The following PHTF1 variants were observed in gnomAD, a reference collection of about 807,000 sequenced individuals.
PHTF1 encodes the protein protein PHTF1.
PHTF1 carries 88 observed loss-of-function variants against 102.4 expected under a neutral mutation model. The observed-to-expected ratio is 0.86, with a 90% confidence interval of 0.72 to 1.03. PHTF1 has a LOEUF of 1.03. Among genes scored for constraint, PHTF1 ranks in the 50% least tolerant of loss-of-function variants. The pLI, the probability that PHTF1 is intolerant of heterozygous loss-of-function variation, is 0.00. For synonymous variants in PHTF1, 289 were observed against 305.2 expected (o/e 0.95, Z 0.55); for missense variants, 814 against 909.5 (o/e 0.89, Z 1.35).
intron 5 of PHTF1, 117 bp downstream of exon 5, chr1:113,737,993 C>T (rs1655776423): frequency 2.8e-6 from 2 of 705,062 alleles, no homozygotes; most frequent in Non-Finnish European, 4.8e-6. Context: ...TCTCTTCATT[C>T]TGTGTACTTT....
At chr1:113,712,784 A>ATT (rs35092721) in intron 8 of PHTF1, among the ~76,000 whole-genome samples, 32 of 131,458 alleles carry the variant, frequency 2.4e-4, no homozygotes, top group East Asian at 1.3e-3. Flanking sequence ...AACTCACAAA[A>ATT]TTTTTTTTTT....
intron 3 of PHTF1, among the ~76,000 whole-genome samples, chr1:113,740,815 G>T (rs1280364045): frequency 8.2e-6 from 1 of 122,540 alleles, no homozygotes; most frequent in Non-Finnish European, 1.9e-5. Flanking sequence ...GAGGATACTT[G>T]AGGTCAAGAG....
At chr1:113,749,897 G>A (rs1332572411) in intron 3 of PHTF1, among the ~76,000 whole-genome samples, 2 of 152,070 alleles carry the variant, frequency 1.3e-5, no homozygotes, top group African/African-American at 4.8e-5. Flanking sequence ...TTAAGTCCTT[G>A]CAGGCTGCCA....
Position 113,715,609 on chromosome 1 carries a change from T to C in PHTF1, c.624-2171A>G, listed in dbSNP as rs555833910. ...TTTGCAGTGAGCCGAGATTGTACCA[T>C]TGCACTTCAACCTGAGCAATGACAG... On this transcript the variant is annotated intron_variant, in intron 7 of 18. Coordinates refer to ENST00000369604, the MANE Select transcript of PHTF1 (RefSeq NM_001323043.2). Among the ~76,000 whole-genome samples the C allele has an allele frequency of 8.0e-4, 94 of 117,742 alleles. 1 individual carries two copies. Among genetic ancestry groups the C allele is most frequent in the African/African-American group, 2.7e-3 (81 of 30,550 alleles). 77.2% of individuals were successfully genotyped at this position (117,742 alleles called of 152,430 possible).
intron 4 of PHTF1, 142 bp from the exon 5 acceptor site, chr1:113,738,410 T>G: frequency 1.6e-6 from 1 of 610,868 alleles, no homozygotes; most frequent in Non-Finnish European, 2.8e-6. Flanking sequence ...TCTTAGATGT[T>G]TGTTAAATGT....
intron 7 of PHTF1, among the ~76,000 whole-genome samples, chr1:113,720,578 A>G (rs1357286597): frequency 6.6e-6 from 1 of 152,222 alleles, no homozygotes; most frequent in Non-Finnish European, 1.5e-5. Context: ...GAAAATTAAA[A>G]TGATATCAAG....
intron 7 of PHTF1, 66 bp downstream of exon 7, chr1:113,724,693 G>T: frequency 7.8e-7 from 1 of 1,286,036 alleles, no homozygotes; most frequent in Non-Finnish European, 1.1e-6. Context: ...TACTCCTATG[G>T]CCTGATGATA....
chr1:113,753,491 G>T (rs191686400), intron 3 of PHTF1, among the ~76,000 whole-genome samples: 9 of 151,766 alleles, frequency 5.9e-5, no homozygotes, highest in Non-Finnish European at 1.0e-4. Flanking sequence ...TGCAATGCAT[G>T]ATCTCAGCTC....
chr1:113,700,005 A>G (rs1489874749), intron 16 of PHTF1: 2 of 967,344 alleles, frequency 2.1e-6, no homozygotes, highest in Non-Finnish European at 2.7e-6. Flanking sequence ...TTTAGTGATG[A>G]AAAATTAATG....
intron 16 of PHTF1, 24 bp from the exon 17 acceptor site, chr1:113,699,823 G>A: frequency 1.1e-6 from 1 of 926,838 alleles, no homozygotes; most frequent in African/African-American, 1.7e-5. Context: ...TAGAAATTAA[G>A]GTAAATTTCT....
intron 15 of PHTF1, 144 bp downstream of exon 15, chr1:113,703,937 G>T: frequency 2.0e-6 from 1 of 512,602 alleles, no homozygotes; most frequent in Non-Finnish European, 3.5e-6. Context: ...TGAAAAGTTA[G>T]AAAAATTACC....
chr1:113,758,669 TACC>T lies in PHTF1; in HGVS notation c.32_34del (p.Trp11del). On this transcript the variant is annotated inframe_deletion, in exon 2 of 19. Coordinates refer to ENST00000369604, the MANE Select transcript of PHTF1 (RefSeq NM_001323043.2). ...ATATATATGTATTACCTTCTTTTGG[TACC>T]ACGATATAGCATCTCTCTCATTTGA... is the stretch of plus-strand genomic sequence containing the variant. 6.3e-7 allele frequency: 1 copy of T among 1,595,604 alleles called. No individual in the cohort carries two copies. Among genetic ancestry groups the T allele is most frequent in the Non-Finnish European group, 8.6e-7 (1 of 1,165,242 alleles).
Position 113,710,256 on chromosome 1 carries a change from G to C in PHTF1, c.1267C>G (p.Gln423Glu). Reference sequence around the variant, plus strand: ...ATTCTTATCATGTCTGCACAGACCTGCTGAAAAACATCCTCTTTGGGGTCA... The same window carrying C: ...ATTCTTATCATGTCTGCACAGACCTCCTGAAAAACATCCTCTTTGGGGTCA... ...KRDPKEDVFQ[Q>E]NHLFWLQNSS... Residue 423 changes from glutamine to glutamate, a missense_variant and splice_region_variant, in exon 11 of 19, where the codon CAG (glutamine) becomes GAG (glutamate). By Grantham distance (29) the Gln-to-Glu change is conservative. Transcript: ENST00000369604. 6.2e-7 allele frequency: 1 copy of C among 1,609,446 alleles called. No individual in the cohort carries two copies. Among genetic ancestry groups the C allele is most frequent in the Non-Finnish European group, 8.5e-7 (1 of 1,176,868 alleles).
At chr1:113,710,002 T>C (rs1364242690) in intron 11 of PHTF1, among the ~76,000 whole-genome samples, 1 of 152,156 alleles carries the variant, frequency 6.6e-6, no homozygotes, top group Non-Finnish European at 1.5e-5. Flanking sequence ...TAAAGGACCA[T>C]TCTAAGGAAA....
Position 113,724,823 on chromosome 1 carries a change from C to T in PHTF1, c.559G>A (p.Gly187Arg), listed in dbSNP as rs1350363957. 6.2e-7 allele frequency: 1 copy of T among 1,611,470 alleles called. No individual in the cohort carries two copies. The highest frequency in any genetic ancestry group is 1.3e-5 in the African/African-American group (1 of 74,828). Reference sequence around the variant, plus strand: ...GGTACAGATTCCAAAGTTTCTATTCCTCTGACTTTATCAGAGGAGTTATTT... The same window carrying T: ...GGTACAGATTCCAAAGTTTCTATTCTTCTGACTTTATCAGAGGAGTTATTT... Reference protein sequence around the residue: ...NGNNSSDKVRGIETLESVPII... With the variant: ...NGNNSSDKVRRIETLESVPII... Residue 187 changes from glycine (G) to arginine (R), a missense_variant, in exon 7 of 19, where the codon GGA becomes AGA. Transcript: ENST00000369604.
intron 3 of PHTF1, among the ~76,000 whole-genome samples, chr1:113,753,316 G>T (rs1658359796): frequency 6.6e-6 from 1 of 152,126 alleles, no homozygotes; most frequent in Admixed American, 6.5e-5. Context: ...AAAAGTTTGT[G>T]TAGAATTAGT....
intron 17 of PHTF1, chr1:113,698,748 C>G: frequency 4.6e-6 from 1 of 215,370 alleles, no homozygotes; most frequent in Non-Finnish European, 9.1e-6. Flanking sequence ...GTTATTAACC[C>G]AAAACCATCA....
chr1:113,757,584 CAA>C, intron 3 of PHTF1, 113 bp downstream of exon 3: 1 of 718,010 alleles, frequency 1.4e-6, no homozygotes, highest in Admixed American at 2.3e-5. Context: ...TTATAACCTT[CAA>C]AGATTAAAGA....
At chr1:113,740,232 C>A (rs1656144540) in intron 3 of PHTF1, among the ~76,000 whole-genome samples, 1 of 152,060 alleles carries the variant, frequency 6.6e-6, no homozygotes, top group African/African-American at 2.4e-5. Flanking sequence ...TCCTTGCCAG[C>A]ATTTTTTTTT....
Sources: allele counts gnomAD v4.1 joint callset (sites outside exome capture counted in the v4.1 genomes callset), GRCh38; gene constraint gnomAD v4.1.1; transcripts MANE v1.5; gene names NCBI Gene and HGNC (gene_info 2026-07-23, HGNC 2026-07-21).